The following CCDC91 variants were observed in gnomAD, a reference collection of about 807,000 sequenced individuals.
The protein encoded by CCDC91 is coiled-coil domain containing 91, also known as coiled-coil domain-containing protein 91.
In CCDC91, 48 loss-of-function variants were observed where a neutral mutation model predicts 63.2. The observed-to-expected ratio is 0.76, with a 90% CI of 0.60 to 0.97. CCDC91 has a LOEUF of 0.97. CCDC91 is among the 50% of genes least tolerant of loss of function. The probability of loss-of-function intolerance (pLI) is 0.00; values close to 1 mark genes in which losing one functional copy is unlikely to be tolerated. For synonymous variants in CCDC91, 167 were observed against 165.8 expected, an observed-to-expected ratio of 1.01 and a Z score of -0.06; for missense variants, 500 against 494.6, an observed-to-expected ratio of 1.01 and a Z score of -0.10.
chr12:28,288,057 T>C (rs1258440913), intron 3 of CCDC91, among the ~76,000 whole-genome samples: 5 of 152,244 alleles, frequency 3.3e-5, no homozygotes, highest in Admixed American at 1.3e-4. Flanking sequence ...TGATATTTTG[T>C]ATCCCAAGAC....
chr12:28,213,734 C>G (rs1943389598), intron 1 of CCDC91, among the ~76,000 whole-genome samples: 2 of 152,170 alleles, frequency 1.3e-5, no homozygotes, highest in Admixed American at 1.3e-4. Flanking sequence ...TATTTCTGAT[C>G]AAAGAACTCA....
intron 11 of CCDC91, among the ~76,000 whole-genome samples, chr12:28,475,588 A>G (rs756972646): frequency 5.3e-5 from 8 of 152,030 alleles, no homozygotes; most frequent in Non-Finnish European, 1.2e-4. Context: ...TGTTGCAGGA[A>G]AAAAGTTCAT....
intron 6 of CCDC91, among the ~76,000 whole-genome samples, chr12:28,331,721 T>TA (rs1193041326): frequency 2.0e-5 from 3 of 152,218 alleles, no homozygotes; most frequent in Non-Finnish European, 4.4e-5. Flanking sequence ...AGCATGCCTT[T>TA]AAAATCACTG....
At chr12:28,250,984 GTGTGTA>G (rs1437506115) in intron 1 of CCDC91, among the ~76,000 whole-genome samples, 1 of 125,440 alleles carries the variant, frequency 8.0e-6, no homozygotes, top group Admixed American at 8.1e-5. Flanking sequence ...GTGTGTGTGT[GTGTGTA>G]TTTCCTTTGT....
chr12:28,374,372 A>G (rs1427303418), intron 7 of CCDC91, among the ~76,000 whole-genome samples: 1 of 152,028 alleles, frequency 6.6e-6, no homozygotes, highest in Non-Finnish European at 1.5e-5. Context: ...TTCTTTTTCC[A>G]ATTCTTTTTT....
chr12:28,212,272 G>T (rs1166089380), intron 1 of CCDC91, among the ~76,000 whole-genome samples: 1 of 152,216 alleles, frequency 6.6e-6, no homozygotes, highest in Non-Finnish European at 1.5e-5. Context: ...TGAACGATTT[G>T]TGAATTGGGT....
chr12:28,447,332 T>C (rs2045594123), intron 8 of CCDC91, among the ~76,000 whole-genome samples: 1 of 152,076 alleles, frequency 6.6e-6, no homozygotes, highest in South Asian at 2.1e-4. Flanking sequence ...ATTCATTATA[T>C]AAAATATTGA....
chr12:28,359,488 G>T (rs918328699), intron 6 of CCDC91, among the ~76,000 whole-genome samples: 1 of 151,974 alleles, frequency 6.6e-6, no homozygotes, highest in African/African-American at 2.4e-5. Flanking sequence ...GTATTGTCAA[G>T]AAAGAAAGAA....
chr12:28,266,278 G>A (rs1261872506), intron 3 of CCDC91, among the ~76,000 whole-genome samples: 2 of 151,996 alleles, frequency 1.3e-5, no homozygotes, highest in Non-Finnish European at 2.9e-5. Flanking sequence ...AAATATCCGT[G>A]TTGTGGAGTG....
At chr12:28,519,668 C>G (rs866971029) in intron 12 of CCDC91, among the ~76,000 whole-genome samples, 10 of 151,240 alleles carry the variant, frequency 6.6e-5, no homozygotes, top group South Asian at 2.1e-4. Flanking sequence ...GTGCTGCACC[C>G]ATTAACTCAT....
At position 28,453,706 on chromosome 12, in the gene CCDC91, A is replaced by G. The variant is rs527726363; in HGVS notation, c.1101+1052A>G. ...CTTCTAATTCTTACCGTAACCTATC[A>G]ATAAATATATATTGAGTACCTATTG... On this transcript the variant is annotated intron_variant, in intron 11 of 12. Transcript: ENST00000536442. 1.7e-4 allele frequency among the ~76,000 whole-genome samples: 26 copies of G among 152,156 alleles called. No individual in the cohort carries two copies. The South Asian group carries it at 5.2e-3, about 30-fold the overall frequency.
chr12:28,395,148 A>G (rs1052514202), intron 8 of CCDC91, among the ~76,000 whole-genome samples: 2 of 152,108 alleles, frequency 1.3e-5, no homozygotes, highest in East Asian at 3.8e-4. Flanking sequence ...ACTTTTTACA[A>G]AATTTACTTT....
At chr12:28,233,820 T>C (rs1001104239) in intron 1 of CCDC91, among the ~76,000 whole-genome samples, 1 of 152,148 alleles carries the variant, frequency 6.6e-6, no homozygotes, top group African/African-American at 2.4e-5. Context: ...GAGCCTCTGT[T>C]ACTTTAACAG....
At chr12:28,310,733 T>C (rs776988977) in intron 6 of CCDC91, among the ~76,000 whole-genome samples, 5 of 152,022 alleles carry the variant, frequency 3.3e-5, no homozygotes, top group Non-Finnish European at 5.9e-5. Flanking sequence ...CAATTCTTTG[T>C]TTTTTATTTG....
chr12:28,464,909 G>C (rs1260682862), intron 11 of CCDC91, among the ~76,000 whole-genome samples: 1 of 152,146 alleles, frequency 6.6e-6, no homozygotes, highest in African/African-American at 2.4e-5. Flanking sequence ...TCTAGGACTT[G>C]GCTCTTGGAT....
At chr12:28,279,917 G>A (rs1268674066) in intron 3 of CCDC91, among the ~76,000 whole-genome samples, 5 of 151,966 alleles carry the variant, frequency 3.3e-5, no homozygotes, top group Non-Finnish European at 5.9e-5. Context: ...TTTTGTTTAT[G>A]CAGTCGGGTG....
intron 6 of CCDC91, among the ~76,000 whole-genome samples, chr12:28,336,361 G>T (rs970874018): frequency 7.9e-5 from 12 of 152,120 alleles, no homozygotes; most frequent in Admixed American, 5.9e-4. Flanking sequence ...TATTTTAAGT[G>T]TGATTTTTAA....
chr12:28,276,499 C>T (rs976971175), intron 3 of CCDC91, among the ~76,000 whole-genome samples: 1 of 151,834 alleles, frequency 6.6e-6, no homozygotes, highest in African/African-American at 2.4e-5. Flanking sequence ...GAAAATGTTT[C>T]ACATTTTCCT....
At chr12:28,283,536 C>T (rs1432429313) in intron 3 of CCDC91, among the ~76,000 whole-genome samples, 1 of 142,598 alleles carries the variant, frequency 7.0e-6, no homozygotes, top group Non-Finnish European at 1.6e-5. Context: ...AGCAGTGGCA[C>T]ATTTTTTTTG....
Sources: allele counts gnomAD v4.1 joint callset (sites outside exome capture counted in the v4.1 genomes callset), GRCh38; gene constraint gnomAD v4.1.1; transcripts MANE v1.5; gene names NCBI Gene and HGNC (gene_info 2026-07-23, HGNC 2026-07-21).